MCTP2: variants seen among roughly 807,000 people sequenced by gnomAD.
MCTP2 encodes multiple C2 and transmembrane domain-containing protein 2.
MCTP2 carries 132 observed loss-of-function variants against 111.6 expected under a neutral mutation model. That is an observed-to-expected ratio of 1.18 (90% confidence interval 1.03 to 1.37). The LOEUF (loss-of-function observed/expected upper bound fraction) is 1.37, where lower values mean the gene tolerates loss of function less well. MCTP2 is among the 40% of genes most tolerant of loss of function. The pLI, the probability that MCTP2 is intolerant of heterozygous loss-of-function variation, is 0.00. For synonymous variants in MCTP2, 395 were observed against 387.7 expected, an observed-to-expected ratio of 1.02 and a Z score of -0.22; for missense variants, 1,183 against 1,067.9, an observed-to-expected ratio of 1.11 and a Z score of -1.50.
At chr15:94,467,432 A>AGACTT (rs1436312045) in intron 20 of MCTP2, among the ~76,000 whole-genome samples, 36 of 152,196 alleles carry the variant, frequency 2.4e-4, no homozygotes, top group Non-Finnish European at 7.3e-5. Context: ...TAATAATCAA[A>AGACTT]TATGACCAAT....
chr15:94,389,244 A>G (rs1490912950), intron 14 of MCTP2, among the ~76,000 whole-genome samples: 1 of 152,036 alleles, frequency 6.6e-6, no homozygotes, highest in Non-Finnish European at 1.5e-5. Flanking sequence ...GGGTCCAGGA[A>G]TGAGGGGAGC....
chr15:94,401,785 T>C (rs2152475820), intron 16 of MCTP2, 115 bp from the exon 17 acceptor site: 1 of 674,628 alleles, frequency 1.5e-6, no homozygotes, highest in East Asian at 3.0e-5. Flanking sequence ...ATTATTATCA[T>C]ATTTTAAAAT....
At chr15:94,280,304 C>G (rs531158512) in intron 1 of MCTP2, among the ~76,000 whole-genome samples, 1 of 151,864 alleles carries the variant, frequency 6.6e-6, no homozygotes, top group South Asian at 2.1e-4. Context: ...TTGGTCAGAT[C>G]AGAATTTCAA....
chr15:94,285,290 TA>T (rs1279860003), intron 1 of MCTP2, among the ~76,000 whole-genome samples: 1 of 152,070 alleles, frequency 6.6e-6, no homozygotes, highest in African/African-American at 2.4e-5. Flanking sequence ...CACCTCTACC[TA>T]ACATGTGCTC....
rs781339442 is a variant in MCTP2 at position 94,298,326 on chromosome 15, A to C, written c.61A>C (p.Ile21Leu). 6.2e-7 allele frequency: 1 copy of C among 1,614,074 alleles called. No homozygotes were observed. The highest frequency in any genetic ancestry group is 1.1e-5 in the South Asian group (1 of 91,068). Reference protein sequence around the residue: ...SLKQRTRPLLINLSKKKVKKN... With the variant: ...SLKQRTRPLLLNLSKKKVKKN... Reference sequence around the variant, plus strand: ...AAAACAGCGGACCAGGCCATTGTTGATCAACTTGAGCAAGAAGAAGGTGAA... The same window carrying C: ...AAAACAGCGGACCAGGCCATTGTTGCTCAACTTGAGCAAGAAGAAGGTGAA... Residue 21 changes from isoleucine (I) to leucine (L), a missense_variant, in exon 2 of 23, where the codon ATC (isoleucine) becomes CTC (leucine). By Grantham distance (5) the Ile-to-Leu change is conservative. Transcript: ENST00000357742.
At chr15:94,326,363 T>G (rs1003696766) in intron 4 of MCTP2, among the ~76,000 whole-genome samples, 1 of 152,222 alleles carries the variant, frequency 6.6e-6, no homozygotes, top group African/African-American at 2.4e-5. Flanking sequence ...TAAATCTGTG[T>G]GTACAGGTTA....
intron 4 of MCTP2, among the ~76,000 whole-genome samples, chr15:94,319,043 T>A (rs1337985254): frequency 1.3e-5 from 2 of 151,960 alleles, no homozygotes; most frequent in African/African-American, 4.8e-5. Context: ...CTTGGTTTTT[T>A]TTTTTTTCTT....
At chr15:94,232,689 G>C (rs1358198021) in intron 1 of MCTP2, among the ~76,000 whole-genome samples, 1 of 152,134 alleles carries the variant, frequency 6.6e-6, no homozygotes, top group African/African-American at 2.4e-5. Context: ...ATTCCTCACA[G>C]GTGGGTGTTT....
intron 12 of MCTP2, among the ~76,000 whole-genome samples, chr15:94,379,857 A>AT: frequency 6.9e-6 from 1 of 145,902 alleles, no homozygotes; most frequent in East Asian, 1.9e-4. Context: ...ATATATATAT[A>AT]ATATATGACA....
chr15:94,320,141 C>CTTTT lies in MCTP2; in HGVS notation c.637+4520_637+4523dup, dbSNP rs71135503. On this transcript the variant is annotated intron_variant, in intron 4 of 22. Coordinates refer to ENST00000357742, the MANE Select transcript of MCTP2 (RefSeq NM_001385001.1). ...TTAGGAGGGAGAATAGTTTATTAAT[C>CTTTT]TTTTTTTTTTTTTTTTTTTGAGATG... 7.5e-4 allele frequency among the ~76,000 whole-genome samples: 88 copies of CTTTT among 117,986 alleles called. 1 individual carries two copies. The highest frequency in any genetic ancestry group is 3.8e-3 in the Middle Eastern group (1 of 260). The allele number at this position is 117,986 out of a possible 152,430, so 77.4% of individuals were successfully genotyped here. A position where few individuals can be genotyped will look rare whatever the true frequency, so the allele number is the denominator to read the frequency against.
chr15:94,386,123 ATACT>A (rs2080457089), intron 14 of MCTP2, among the ~76,000 whole-genome samples: 1 of 152,190 alleles, frequency 6.6e-6, no homozygotes, highest in Non-Finnish European at 1.5e-5. Context: ...GAAGGAAAAA[ATACT>A]TACAAAATTC....
At chr15:94,390,062 A>ATATATATATATATG (rs2080795584) in intron 14 of MCTP2, among the ~76,000 whole-genome samples, 1 of 10,264 alleles carries the variant, frequency 9.7e-5, no homozygotes, top group African/African-American at 2.0e-4. Flanking sequence ...ATATATATAT[A>ATATATATATATATG]TATATATATA....
chr15:94,444,002 A>AAAC (rs1555476129), intron 19 of MCTP2, among the ~76,000 whole-genome samples: 1 of 149,700 alleles, frequency 6.7e-6, no homozygotes, highest in Non-Finnish European at 1.5e-5. Flanking sequence ...AAAAAAAAAA[A>AAAC]AAAACAGAAG....
At chr15:94,453,754 T>C (rs2084621915) in intron 19 of MCTP2, among the ~76,000 whole-genome samples, 1 of 152,218 alleles carries the variant, frequency 6.6e-6, no homozygotes. Context: ...TTGATAAATG[T>C]TTACATTTCT....
At chr15:94,423,469 C>T (rs1465092830) in intron 17 of MCTP2, among the ~76,000 whole-genome samples, 2 of 152,072 alleles carry the variant, frequency 1.3e-5, no homozygotes, top group Non-Finnish European at 2.9e-5. Flanking sequence ...GGGAAAAGTA[C>T]AACAGAACAG....
chr15:94,459,654 A>G (rs1220041272), intron 20 of MCTP2, among the ~76,000 whole-genome samples: 4 of 152,186 alleles, frequency 2.6e-5, no homozygotes, highest in African/African-American at 7.2e-5. Flanking sequence ...CAAAATGTTT[A>G]ATATAAACAT....
intron 1 of MCTP2, among the ~76,000 whole-genome samples, chr15:94,283,505 C>T (rs1359093968): frequency 1.3e-5 from 2 of 152,130 alleles, no homozygotes; most frequent in African/African-American, 4.8e-5. Context: ...GTGGGATATC[C>T]TGCAGCTGGG....
intron 4 of MCTP2, among the ~76,000 whole-genome samples, chr15:94,316,688 C>A (rs984677880): frequency 1.3e-5 from 2 of 152,108 alleles, no homozygotes; most frequent in African/African-American, 4.8e-5. Context: ...ATTTTTCTCC[C>A]AGTCTGTTGC....
At chr15:94,370,239 T>A in intron 12 of MCTP2, 59 bp downstream of exon 12, 1 of 1,408,486 alleles carries the variant, frequency 7.1e-7, no homozygotes, top group Non-Finnish European at 9.9e-7. Context: ...TGAAACAATC[T>A]CCTGGCAAAG....
Sources: gnomAD v4.1 joint callset for allele counts (sites outside exome capture counted in the v4.1 genomes callset) on GRCh38, gnomAD v4.1.1 for gene constraint, MANE v1.5 for transcripts, NCBI Gene and HGNC (gene_info 2026-07-23, HGNC 2026-07-21) for gene names.